PSD3: variants seen among roughly 807,000 people sequenced by gnomAD.
PSD3 encodes the protein pleckstrin and Sec7 domain containing 3.
PSD3 carries 49 observed loss-of-function variants against 105.5 expected under a neutral mutation model. The ratio of observed to expected loss-of-function variants is 0.46; its 90% CI spans 0.37 to 0.59. The LOEUF (loss-of-function observed/expected upper bound fraction) is 0.59, where lower values mean the gene tolerates loss of function less well. Among genes scored for constraint, PSD3 ranks in the 20% least tolerant of loss-of-function variants. The pLI, the probability that PSD3 is intolerant of heterozygous loss-of-function variation, is 0.00. For synonymous variants in PSD3, 557 were observed against 457.8 expected (o/e 1.22, Z -2.77); for missense variants, 1,561 against 1,263.8 (o/e 1.24, Z -3.57).
intron 1 of PSD3, among the ~76,000 whole-genome samples, chr8:18,988,521 G>A (rs1325191873): frequency 6.6e-6 from 1 of 152,130 alleles, no homozygotes; most frequent in East Asian, 1.9e-4. Flanking sequence ...CTTAGGAAAT[G>A]GTTTTCCTAA....
intron 11 of PSD3, among the ~76,000 whole-genome samples, chr8:18,627,390 G>T (rs762809974): frequency 6.6e-6 from 1 of 152,168 alleles, no homozygotes; most frequent in East Asian, 1.9e-4. Context: ...TCTGCTCTTG[G>T]CTGTAGCATC....
At chr8:19,041,203 C>T (rs1318746218) in intron 1 of PSD3, among the ~76,000 whole-genome samples, 1 of 152,086 alleles carries the variant, frequency 6.6e-6, no homozygotes, top group African/African-American at 2.4e-5. Flanking sequence ...AACCTTGATC[C>T]CATTTTATAT....
In PSD3 at chr8:18,867,892, A is replaced by G; in HGVS notation, c.1416T>C (p.Phe472=). 1 of 1,614,172 alleles carries G rather than the reference A, an allele frequency of 6.2e-7. No homozygotes were observed. The highest frequency in any genetic ancestry group is 8.5e-7 in the Non-Finnish European group (1 of 1,180,006). ...ETLYSEPDSY[F]SFEMPLTPMI... ...TTGGAGTGAGGGGCATTTCAAAGCT[A>G]AAATAGCTATCAGGCTCTGAGTATA... is the stretch of plus-strand genomic sequence containing the variant. The change falls in exon 4 of 16, where the codon TTT becomes TTC. Residue 472 remains phenylalanine (F), a synonymous_variant. Coordinates refer to ENST00000327040, the MANE Select transcript of PSD3 (RefSeq NM_015310.4).
At chr8:18,685,653 C>G (rs1252300354) in intron 9 of PSD3, among the ~76,000 whole-genome samples, 1 of 152,060 alleles carries the variant, frequency 6.6e-6, no homozygotes, top group East Asian at 1.9e-4. Flanking sequence ...AAGAAAAATT[C>G]TGTAAAGTTA....
intron 8 of PSD3, among the ~76,000 whole-genome samples, chr8:18,784,252 G>A (rs1379085316): frequency 2.0e-5 from 3 of 151,938 alleles, no homozygotes; most frequent in Non-Finnish European, 4.4e-5. Context: ...TTTAATATAC[G>A]GTGCTAATTT....
At chr8:19,052,394 C>A (rs947002805) in intron 1 of PSD3, among the ~76,000 whole-genome samples, 13 of 151,056 alleles carry the variant, frequency 8.6e-5, no homozygotes, top group African/African-American at 2.9e-4. Flanking sequence ...ATCACTTGAA[C>A]CCAGGAGGCA....
rs150513733 is a variant in PSD3, at chr8:18,799,310, G to A, written c.2067C>T (p.Thr689=). 10,075 of 1,606,812 alleles carry A rather than the reference G, an allele frequency of 6.3e-3. 56 individuals are homozygous for A. The highest frequency in any genetic ancestry group is 7.6e-3 in the Non-Finnish European group (8,957 of 1,173,688). The change falls in exon 8 of 16, where the codon ACC becomes ACT. Residue 689 remains threonine, a synonymous_variant. Transcript: ENST00000327040. ...CCACACTTACGTGGCCATGTAGATC[G>A]GTATTAAGAAGCATTATTGCACAGG... is the stretch of plus-strand genomic sequence containing the variant. ...CLTCAIMLLN[T]DLHGHNIGKK...
Position 18,702,194 on chromosome 8 carries a change from T to C in PSD3, c.2173-46509A>G, listed in dbSNP as rs190876991. Among the ~76,000 whole-genome samples the C allele has an allele frequency of 2.0e-3, 301 of 152,352 alleles. 1 individual carries two copies. Among genetic ancestry groups the C allele is most frequent in the Non-Finnish European group, 3.1e-3 (209 of 68,034 alleles). On this transcript the variant is annotated intron_variant, in intron 9 of 15. Coordinates refer to ENST00000327040, the MANE Select transcript of PSD3 (RefSeq NM_015310.4). Reference sequence around the variant, plus strand: ...TCAATTTGTAACCGACAGGTCTTTCTACATGTTTAAGATCATCTTGAAATA... The same window carrying C: ...TCAATTTGTAACCGACAGGTCTTTCCACATGTTTAAGATCATCTTGAAATA...
chr8:18,566,001 G>C (rs1282069126), intron 14 of PSD3, among the ~76,000 whole-genome samples: 1 of 152,130 alleles, frequency 6.6e-6, no homozygotes, highest in African/African-American at 2.4e-5. Context: ...ATATGCCTGG[G>C]TTAAAGGATG....
chr8:18,575,393 G>A (rs550887933), intron 12 of PSD3, 108 bp from the exon 13 acceptor site: 3 of 1,074,930 alleles, frequency 2.8e-6, no homozygotes, highest in East Asian at 2.8e-5. Context: ...CCAAGTAAGT[G>A]AATGAAAAAA....
At chr8:18,773,214 C>T (rs1184085113) in intron 8 of PSD3, among the ~76,000 whole-genome samples, 1 of 152,078 alleles carries the variant, frequency 6.6e-6, no homozygotes, top group Non-Finnish European at 1.5e-5. Context: ...AAGGGTCCTA[C>T]TTCTCTTTTT....
chr8:19,076,814 A>G (rs1829475809), intron 1 of PSD3, among the ~76,000 whole-genome samples: 2 of 151,736 alleles, frequency 1.3e-5, no homozygotes, highest in South Asian at 4.2e-4. Flanking sequence ...CCTTCTCACA[A>G]TTAGAGCTAT....
At chr8:18,744,385 T>G (rs1190713060) in intron 9 of PSD3, among the ~76,000 whole-genome samples, 1 of 152,176 alleles carries the variant, frequency 6.6e-6, no homozygotes, top group Admixed American at 6.5e-5. Context: ...CTTAACCCCT[T>G]CTCTTCACTT....
intron 14 of PSD3, among the ~76,000 whole-genome samples, chr8:18,569,031 T>C (rs561562123): frequency 1.4e-5 from 2 of 139,462 alleles, no homozygotes; most frequent in South Asian, 2.5e-4. Flanking sequence ...ACAAAGGACA[T>C]GAACTCATCA....
At chr8:18,571,138 G>A (rs570778564) in intron 14 of PSD3, among the ~76,000 whole-genome samples, 1 of 152,110 alleles carries the variant, frequency 6.6e-6, no homozygotes, top group East Asian at 1.9e-4. Context: ...TGGGATTACA[G>A]GCATGAGCCA....
chr8:18,949,384 T>G (rs1823099841), intron 1 of PSD3, among the ~76,000 whole-genome samples: 1 of 149,028 alleles, frequency 6.7e-6, no homozygotes, highest in Non-Finnish European at 1.5e-5. Flanking sequence ...CCTACATGCA[T>G]GCAGAAAAAA....
chr8:18,834,918 T>C lies in PSD3; in HGVS notation c.1635-30020A>G, dbSNP rs142821691. Among the ~76,000 whole-genome samples the C allele has an allele frequency of 7.6e-3, 1,160 of 152,164 alleles. 9 individuals carry two copies. Among genetic ancestry groups the C allele is most frequent in the Non-Finnish European group, 0.012 (818 of 68,010 alleles). ...CAACCAGAGTCTAGACCAAAACAGA[T>C]GTGAGCAAGCAATTCGTAAAAAAAG... On this transcript the variant is annotated intron_variant, in intron 4 of 15. Coordinates refer to ENST00000327040, the MANE Select transcript of PSD3 (RefSeq NM_015310.4).
chr8:19,042,771 A>T (rs920975634), intron 1 of PSD3, among the ~76,000 whole-genome samples: 1 of 152,216 alleles, frequency 6.6e-6, no homozygotes, highest in African/African-American at 2.4e-5. Flanking sequence ...ATAATGTTTG[A>T]GTTTGCTGCC....
chr8:18,756,017 A>G (rs1456092963), intron 9 of PSD3, among the ~76,000 whole-genome samples: 1 of 152,148 alleles, frequency 6.6e-6, no homozygotes. Context: ...AAAAGCAGCA[A>G]TATTCCATAT....
Sources: gnomAD v4.1 joint callset for allele counts (sites outside exome capture counted in the v4.1 genomes callset) on GRCh38, gnomAD v4.1.1 for gene constraint, MANE v1.5 for transcripts, NCBI Gene and HGNC (gene_info 2026-07-23, HGNC 2026-07-21) for gene names.